MAGI2: variants seen among roughly 807,000 people sequenced by gnomAD.
MAGI2 encodes membrane-associated guanylate kinase, WW and PDZ domain-containing protein 2.
A neutral mutation model predicts 133.3 loss-of-function variants in MAGI2; 35 were observed. The observed-to-expected ratio is 0.26, with a 90% CI of 0.20 to 0.35. MAGI2 has a LOEUF of 0.35. Among genes scored for constraint, MAGI2 ranks in the 10% least tolerant of loss-of-function variants. The pLI is 1.00. For missense variants in MAGI2, 1,636 were observed against 1,863.4 expected (o/e 0.88, Z 2.25); for synonymous variants, 729 against 710.6 (o/e 1.03, Z -0.41).
chr7:78,466,478 C>A (rs183454970), intron 6 of MAGI2, among the ~76,000 whole-genome samples: 6 of 152,112 alleles, frequency 3.9e-5, no homozygotes, highest in Non-Finnish European at 7.3e-5. Context: ...TGTTTGCATG[C>A]GCCTAATTTA....
chr7:78,873,237 A>T (rs1795171494), intron 2 of MAGI2, among the ~76,000 whole-genome samples: 1 of 152,174 alleles, frequency 6.6e-6, no homozygotes, highest in Non-Finnish European at 1.5e-5. Context: ...CTCCCCTATG[A>T]AATACTATAC....
chr7:78,977,392 A>G (rs985479499), intron 2 of MAGI2, among the ~76,000 whole-genome samples: 7 of 151,416 alleles, frequency 4.6e-5, no homozygotes, highest in African/African-American at 1.7e-4. Context: ...AATGAAAGAC[A>G]GAAAGAGAGA....
intron 6 of MAGI2, among the ~76,000 whole-genome samples, chr7:78,389,479 A>G (rs1235682956): frequency 6.6e-6 from 1 of 152,186 alleles, no homozygotes; most frequent in African/African-American, 2.4e-5. Flanking sequence ...TTAGGTGCTC[A>G]ACACGGACAA....
chr7:78,674,717 A>T (rs1371399916), intron 2 of MAGI2, among the ~76,000 whole-genome samples: 1 of 152,160 alleles, frequency 6.6e-6, no homozygotes, highest in African/African-American at 2.4e-5. Flanking sequence ...CCAAATCAGG[A>T]AAGAGATTAT....
chr7:79,129,462 C>T (rs916417646), intron 1 of MAGI2, among the ~76,000 whole-genome samples: 1 of 152,142 alleles, frequency 6.6e-6, no homozygotes, highest in Non-Finnish European at 1.5e-5. Flanking sequence ...TGGTTAGCAA[C>T]GTAATGCAAC....
intron 21 of MAGI2, among the ~76,000 whole-genome samples, chr7:78,069,490 T>A (rs936700307): frequency 9.4e-6 from 1 of 106,748 alleles, no homozygotes; most frequent in Non-Finnish European, 2.3e-5. Context: ...TGTATGTGTA[T>A]GTGTGTATGT....
intron 16 of MAGI2, among the ~76,000 whole-genome samples, chr7:78,154,919 C>T (rs1428905693): frequency 2.3e-5 from 3 of 132,080 alleles, no homozygotes; most frequent in Non-Finnish European, 5.1e-5. Context: ...TTTTACAGAG[C>T]AAGCATCTAA....
chr7:78,358,140 G>A (rs1792292348), intron 7 of MAGI2: 1 of 116,922 alleles, frequency 8.6e-6, no homozygotes, highest in Non-Finnish European at 1.6e-5. Context: ...TCCAGCCTGG[G>A]CGACAGAGCA....
chr7:79,261,614 G>A (rs545780163), intron 1 of MAGI2, among the ~76,000 whole-genome samples: 1 of 152,058 alleles, frequency 6.6e-6, no homozygotes, highest in Non-Finnish European at 1.5e-5. Context: ...ACACAAGCAT[G>A]CAAACTACAT....
chr7:78,677,841 G>GGGGTGAT (rs1815215416), intron 2 of MAGI2, among the ~76,000 whole-genome samples: 2 of 152,046 alleles, frequency 1.3e-5, no homozygotes, highest in Admixed American at 1.3e-4. Flanking sequence ...TTACAATCAA[G>GGGGTGAT]CAGAAAAGCT....
chr7:78,129,808 G>T (rs1314555460), intron 18 of MAGI2, among the ~76,000 whole-genome samples: 1 of 152,012 alleles, frequency 6.6e-6, no homozygotes, highest in Non-Finnish European at 1.5e-5. Context: ...GGTGGCACAT[G>T]CCTGTAATCC....
intron 2 of MAGI2, among the ~76,000 whole-genome samples, chr7:78,858,148 C>A (rs1793823815): frequency 6.6e-6 from 1 of 152,032 alleles, no homozygotes; most frequent in African/African-American, 2.4e-5. Flanking sequence ...CCATTTTCTT[C>A]TTTCTTAGTC....
intron 11 of MAGI2, among the ~76,000 whole-genome samples, chr7:78,198,580 T>A (rs1008848223): frequency 6.6e-6 from 1 of 152,170 alleles, no homozygotes; most frequent in East Asian, 1.9e-4. Flanking sequence ...TACAGGCATA[T>A]GCCACCATGC....
chr7:79,027,780 C>T (rs978562298), intron 1 of MAGI2, among the ~76,000 whole-genome samples: 5 of 151,808 alleles, frequency 3.3e-5, no homozygotes, highest in African/African-American at 1.2e-4. Flanking sequence ...ATTTTGTAAT[C>T]TATAAATGTA....
At chr7:78,304,793 G>A (rs1798116533) in intron 9 of MAGI2, among the ~76,000 whole-genome samples, 1 of 152,146 alleles carries the variant, frequency 6.6e-6, no homozygotes, top group African/African-American at 2.4e-5. Flanking sequence ...TCCCTGATAG[G>A]AGGCTATTTG....
chr7:78,798,878 G>A lies in MAGI2; in HGVS notation c.419-171639C>T, dbSNP rs927589749. Among the ~76,000 whole-genome samples the A allele has an allele frequency of 4.6e-5, 7 of 152,120 alleles. 1 individual carries two copies. The highest frequency in any genetic ancestry group is 4.6e-4 in the Admixed American group (7 of 15,264). On this transcript the variant is annotated intron_variant, in intron 2 of 21. Transcript: ENST00000354212. ...CCTCAGGCTGGAAATGTATATCATGGCCTAGCAGGTGAATTCCAAAGGCCT... is the reference window on the plus strand; with the variant it reads ...CCTCAGGCTGGAAATGTATATCATGACCTAGCAGGTGAATTCCAAAGGCCT...
intron 4 of MAGI2, among the ~76,000 whole-genome samples, chr7:78,502,695 C>T (rs1431683458): frequency 6.6e-6 from 1 of 151,880 alleles, no homozygotes; most frequent in East Asian, 1.9e-4. Flanking sequence ...TTCAGGCATC[C>T]ACTGGGGGTA....
At chr7:78,920,008 T>C (rs1799105635) in intron 2 of MAGI2, among the ~76,000 whole-genome samples, 2 of 152,128 alleles carry the variant, frequency 1.3e-5, no homozygotes, top group Admixed American at 1.3e-4. Flanking sequence ...TTGGTACTCT[T>C]ACAAGAAGTT....
chr7:79,452,673 T>G (rs1849366481), intron 1 of MAGI2, among the ~76,000 whole-genome samples: 1 of 152,024 alleles, frequency 6.6e-6, no homozygotes, highest in Non-Finnish European at 1.5e-5. Flanking sequence ...CTTTTCTTCC[T>G]TCCTCCCTTC....
Sources: allele counts gnomAD v4.1 joint callset (sites outside exome capture counted in the v4.1 genomes callset), GRCh38; gene constraint gnomAD v4.1.1; transcripts MANE v1.5; gene names NCBI Gene and HGNC (gene_info 2026-07-23, HGNC 2026-07-21).